Variants in MSRA observed in about 807,000 individuals in gnomAD.
MSRA encodes the protein mitochondrial peptide methionine sulfoxide reductase.
MSRA carries 54 observed loss-of-function variants against 31.3 expected under a neutral mutation model. That is an observed-to-expected ratio of 1.73 (90% confidence interval 1.39 to 2.17). The LOEUF (loss-of-function observed/expected upper bound fraction) is 2.17. Among genes scored for constraint, MSRA ranks in the 30% most tolerant of loss-of-function variants. The pLI, the probability that MSRA is intolerant of heterozygous loss-of-function variation, is 0.00. For synonymous variants in MSRA, 169 were observed against 116.5 expected, an observed-to-expected ratio of 1.45 and a Z score of -2.90; for missense variants, 507 against 300.9, an observed-to-expected ratio of 1.69 and a Z score of -5.07.
chr8:10,249,225 A>G (rs547304991), intron 3 of MSRA, among the ~76,000 whole-genome samples: 1 of 152,334 alleles, frequency 6.6e-6, no homozygotes, highest in South Asian at 2.1e-4. Context: ...ATGCAATGAA[A>G]TCAGGTTAGT....
intron 1 of MSRA, among the ~76,000 whole-genome samples, chr8:10,103,390 C>T (rs1375593934): frequency 6.6e-6 from 1 of 152,168 alleles, no homozygotes. Context: ...TCTTACGGGT[C>T]ATCTGTGCTG....
intron 4 of MSRA, among the ~76,000 whole-genome samples, chr8:10,307,368 T>C (rs1801197234): frequency 1.3e-5 from 2 of 152,182 alleles, no homozygotes; most frequent in South Asian, 4.2e-4. Context: ...GATTTCGCCA[T>C]GTTGCTCAGG....
intron 5 of MSRA, among the ~76,000 whole-genome samples, chr8:10,324,217 C>T (rs1480295846): frequency 6.6e-6 from 1 of 152,154 alleles, no homozygotes; most frequent in Non-Finnish European, 1.5e-5. Flanking sequence ...GCTAGTGTGA[C>T]TGAGGAACTG....
intron 1 of MSRA, among the ~76,000 whole-genome samples, chr8:10,161,323 C>A (rs546617533): frequency 6.6e-6 from 1 of 152,236 alleles, no homozygotes; most frequent in Non-Finnish European, 1.5e-5. Flanking sequence ...TTTGCTGTTT[C>A]CTTGGGCAGG....
chr8:10,211,649 C>T (rs768412035), intron 2 of MSRA, among the ~76,000 whole-genome samples: 2 of 152,116 alleles, frequency 1.3e-5, no homozygotes, highest in African/African-American at 2.4e-5. Flanking sequence ...TCATTGTGCT[C>T]CTTTATAGGC....
intron 1 of MSRA, among the ~76,000 whole-genome samples, chr8:10,123,009 A>C (rs1181928347): frequency 6.6e-6 from 1 of 152,154 alleles, no homozygotes; most frequent in Non-Finnish European, 1.5e-5. Context: ...GCATGTGTCT[A>C]TATAGGAGAA....
At chr8:10,084,424 T>C (rs1298668600) in intron 1 of MSRA, among the ~76,000 whole-genome samples, 1 of 152,260 alleles carries the variant, frequency 6.6e-6, no homozygotes, top group African/African-American at 2.4e-5. Flanking sequence ...TCTGGTCTCT[T>C]CTTCTTTTAG....
intron 1 of MSRA, among the ~76,000 whole-genome samples, chr8:10,200,432 C>T (rs1245796468): frequency 6.6e-6 from 1 of 152,212 alleles, no homozygotes; most frequent in East Asian, 1.9e-4. Context: ...GAGTAAATCT[C>T]ACCTTCTGGG....
chr8:10,210,100 C>G (rs887018971), intron 2 of MSRA, among the ~76,000 whole-genome samples: 7 of 152,202 alleles, frequency 4.6e-5, no homozygotes, highest in African/African-American at 1.7e-4. Context: ...TGGACTTCTG[C>G]CATTCTGGGT....
At position 10,095,871 on chromosome 8, in the gene MSRA, T is replaced by C. The variant is rs1585135012; in HGVS notation, c.142+41213T>C. On this transcript the variant is annotated intron_variant, in intron 1 of 5. Transcript: ENST00000317173. Reference sequence around the variant, plus strand: ...TCCATGCATTTGGGAAATACTATATTTGATTTTTTGCATGTATGATTATAC... The same window carrying C: ...TCCATGCATTTGGGAAATACTATATCTGATTTTTTGCATGTATGATTATAC... 29 of 1,277,980 alleles carry C rather than the reference T, an allele frequency of 2.3e-5. No homozygotes were observed. The East Asian group carries it at 8.6e-4, about 38-fold the overall frequency. 79.2% of individuals were successfully genotyped at this position (1,277,980 alleles called of 1,614,324 possible).
chr8:10,074,079 TTTTTTTTTTTTTTTTTTTTA>T (rs1313045500), intron 1 of MSRA, among the ~76,000 whole-genome samples: 1 of 114,936 alleles, frequency 8.7e-6, no homozygotes, highest in Non-Finnish European at 1.8e-5. Flanking sequence ...TTTTTTTTTT[TTTTTTTTTTTTTTTTTTTTA>T]TTAAATGGAG....
intron 4 of MSRA, among the ~76,000 whole-genome samples, chr8:10,312,625 T>C (rs145226944): frequency 4.2e-4 from 64 of 152,338 alleles, no homozygotes; most frequent in Middle Eastern, 3.4e-3. Flanking sequence ...ATCTTACTTA[T>C]GACTATATTT....
intron 2 of MSRA, among the ~76,000 whole-genome samples, chr8:10,216,374 G>C (rs1423957680): frequency 6.6e-6 from 1 of 152,184 alleles, no homozygotes; most frequent in Non-Finnish European, 1.5e-5. Flanking sequence ...AGAAAAATCA[G>C]TTGGTTGCAT....
chr8:10,075,162 G>T (rs781149322), intron 1 of MSRA, among the ~76,000 whole-genome samples: 25 of 152,004 alleles, frequency 1.6e-4, no homozygotes, highest in Non-Finnish European at 2.8e-4. Flanking sequence ...CTGTATAATG[G>T]CATTGCAAAT....
At chr8:10,321,502 T>G (rs1802041157) in intron 5 of MSRA, among the ~76,000 whole-genome samples, 2 of 152,112 alleles carry the variant, frequency 1.3e-5, no homozygotes. Flanking sequence ...GGGTGATGTC[T>G]GCTTGGCTGG....
intron 5 of MSRA, among the ~76,000 whole-genome samples, chr8:10,410,576 C>G (rs1321205676): frequency 6.6e-6 from 1 of 152,202 alleles, no homozygotes; most frequent in Middle Eastern, 3.2e-3. Context: ...TCTTATCCCC[C>G]TCTTACAGAA....
chr8:10,359,006 A>G (rs985189924), intron 5 of MSRA, among the ~76,000 whole-genome samples: 26 of 152,172 alleles, frequency 1.7e-4, no homozygotes, highest in Non-Finnish European at 1.9e-4. Flanking sequence ...GTTTGATCCC[A>G]AAAACATTCC....
chr8:10,336,624 C>G (rs1321283058), intron 5 of MSRA, among the ~76,000 whole-genome samples: 1 of 152,044 alleles, frequency 6.6e-6, no homozygotes, highest in Non-Finnish European at 1.5e-5. Context: ...ACATGAGTAG[C>G]CCTTACTGAG....
At chr8:10,265,830 T>A (rs940515957) in intron 3 of MSRA, among the ~76,000 whole-genome samples, 1 of 152,230 alleles carries the variant, frequency 6.6e-6, no homozygotes, top group Non-Finnish European at 1.5e-5. Flanking sequence ...CAGGTGTGTT[T>A]GCATTTTGTA....
Sources: allele counts gnomAD v4.1 joint callset (sites outside exome capture counted in the v4.1 genomes callset), GRCh38; gene constraint gnomAD v4.1.1; transcripts MANE v1.5; gene names NCBI Gene and HGNC (gene_info 2026-07-23, HGNC 2026-07-21).